The following DLEC1 variants were observed in gnomAD, a reference collection of about 807,000 sequenced individuals.
The protein encoded by DLEC1 is deleted in lung and esophageal cancer protein 1.
DLEC1 carries 146 observed loss-of-function variants against 198.1 expected under a neutral mutation model. That is an observed-to-expected ratio of 0.74 (90% CI 0.64 to 0.85). The LOEUF (loss-of-function observed/expected upper bound fraction) is 0.85, where lower values mean the gene tolerates loss of function less well. Ranked by LOEUF, DLEC1 falls within the 40% of genes least tolerant of loss-of-function variation. DLEC1 has a pLI of 0.00. For missense variants in DLEC1, 2,233 were observed against 2,220.0 expected, an observed-to-expected ratio of 1.01 and a Z score of -0.12; for synonymous variants, 897 against 866.8, an observed-to-expected ratio of 1.03 and a Z score of -0.61.
rs368399069 is a variant in DLEC1, at chr3:38,121,677, C to G, written c.4916C>G (p.Thr1639Ser). ...GCCGTGCCTGAGCTGCAGCTCTCCA[C>G]CAGCTGGGTGGACTTTGGGACCTGC... is the stretch of plus-strand genomic sequence containing the variant. The part of the protein sequence containing the change: ...VVAVPELQLS[T>S]SWVDFGTCFV... Residue 1639 changes from threonine to serine, a missense_variant, in exon 35 of 37, where the codon ACC becomes AGC. Physicochemically the swap from Thr to Ser is moderately conservative, Grantham distance 58. Coordinates refer to ENST00000308059, the MANE Select transcript of DLEC1 (RefSeq NM_007335.4). 10 of 1,613,976 alleles carry G rather than the reference C, an allele frequency of 6.2e-6. No homozygotes were observed. Among genetic ancestry groups the G allele is most frequent in the Admixed American group, 1.7e-5 (1 of 59,998 alleles).
intron 10 of DLEC1, among the ~76,000 whole-genome samples, chr3:38,092,454 C>T (rs1445160288): frequency 6.6e-6 from 1 of 152,132 alleles, no homozygotes; most frequent in Non-Finnish European, 1.5e-5. Context: ...CTGCTCTTTG[C>T]CAGTATGAGT....
intron 34 of DLEC1, among the ~76,000 whole-genome samples, chr3:38,121,020 T>C (rs1700425935): frequency 6.7e-6 from 1 of 149,924 alleles, no homozygotes; most frequent in South Asian, 2.1e-4. Flanking sequence ...GCGAGCACCA[T>C]GGACCAGGTC....
chr3:38,123,039 G>A lies in DLEC1; in HGVS notation c.*627G>A, dbSNP rs1417468082. 1.2e-6 allele frequency: 2 copies of A among 1,613,996 alleles called. No homozygotes were observed. The highest frequency in any genetic ancestry group is 2.2e-5 in the South Asian group (2 of 91,078). On this transcript the variant is annotated 3_prime_UTR_variant, in exon 37 of 37. Coordinates refer to ENST00000308059, the MANE Select transcript of DLEC1 (RefSeq NM_007335.4). Reference sequence around the variant, plus strand: ...TGTCTGCGTAGCGCCTCCAGCCTGGGACCTCACTCAGTTCCCAGGGTATTC... The same window carrying A: ...TGTCTGCGTAGCGCCTCCAGCCTGGAACCTCACTCAGTTCCCAGGGTATTC...
chr3:38,079,760 T>G (rs981128076), intron 6 of DLEC1, among the ~76,000 whole-genome samples: 1 of 151,712 alleles, frequency 6.6e-6, no homozygotes, highest in Non-Finnish European at 1.5e-5. Flanking sequence ...GGGGAGGAGG[T>G]TCTGGAGGAA....
At chr3:38,120,215 C>T (rs1437162796) in intron 33 of DLEC1, among the ~76,000 whole-genome samples, 1 of 152,246 alleles carries the variant, frequency 6.6e-6, no homozygotes, top group African/African-American at 2.4e-5. Context: ...TGTCCCTTCC[C>T]TTCTAGCCTC....
Position 38,062,892 on chromosome 3 carries a change from C to T in DLEC1, c.1094+91C>T, listed in dbSNP as rs150680736. On this transcript the variant is annotated intron_variant, in intron 5 of 36. Transcript: ENST00000308059. ...CCGTTTGGTCTGGCTGTAGAGGTCCCTAGACTTGTGGGGCAGGGTAGCAGT... is the reference window on the plus strand; with the variant it reads ...CCGTTTGGTCTGGCTGTAGAGGTCCTTAGACTTGTGGGGCAGGGTAGCAGT... 718 of 1,374,754 alleles carry T rather than the reference C, an allele frequency of 5.2e-4. 10 individuals are homozygous for T. The East Asian group carries it at 0.015, about 29-fold the overall frequency. The allele number at this position is 1,374,754 out of a possible 1,614,324, so 85.2% of individuals were successfully genotyped here. A position where few individuals can be genotyped will look rare whatever the true frequency, so the allele number is the denominator to read the frequency against.
At chr3:38,100,809 C>T (rs1447093405) in intron 19 of DLEC1, among the ~76,000 whole-genome samples, 1 of 152,112 alleles carries the variant, frequency 6.6e-6, no homozygotes, top group Admixed American at 6.5e-5. Flanking sequence ...ACTGTTCCTA[C>T]AGGAAAAACT....
rs1696576267 is a variant in DLEC1, at chr3:38,059,750, G to C, written c.571G>C (p.Val191Leu). The change falls in exon 3 of 37, where the codon GTC becomes CTC. Residue 191 changes from valine to leucine, a missense_variant. Physicochemically the swap from Val to Leu is conservative, Grantham distance 32 (BLOSUM62 1). Transcript: ENST00000308059. ...SLVRLPPVKS[V>L]SRWCIDSELL... is the part of the protein sequence containing the mutation. ...CCTTCCCTTCTATGAAGTGAAGAGT[G>C]TCTCCAGATGGTGTATAGACAGCGA... 1 of 1,613,782 alleles carries C rather than the reference G, an allele frequency of 6.2e-7. No individual in the cohort carries two copies. Among genetic ancestry groups the C allele is most frequent in the Admixed American group, 1.7e-5 (1 of 59,932 alleles).
chr3:38,118,622 C>T (rs990304399), intron 33 of DLEC1, among the ~76,000 whole-genome samples: 2 of 152,248 alleles, frequency 1.3e-5, no homozygotes, highest in South Asian at 2.1e-4. Flanking sequence ...GCTGAGTGTG[C>T]GCACACCCAT....
At chr3:38,096,204 G>C (rs1011940684) in intron 14 of DLEC1, among the ~76,000 whole-genome samples, 4 of 152,336 alleles carry the variant, frequency 2.6e-5, no homozygotes, top group South Asian at 4.1e-4. Flanking sequence ...TGCTCTTGGG[G>C]AGCCAAACTG....
At position 38,092,785 on chromosome 3, in the gene DLEC1, C is replaced by G; in HGVS notation, c.1666-5C>G. On this transcript the variant is annotated splice_region_variant and splice_polypyrimidine_tract_variant and intron_variant, in intron 10 of 36. Transcript: ENST00000308059. ...AGGTAACGGAACAACCCTTCTCTCCCCCAGGTCTTGTTTTCCCCAAAGAGC... is the reference window on the plus strand; with the variant it reads ...AGGTAACGGAACAACCCTTCTCTCCGCCAGGTCTTGTTTTCCCCAAAGAGC... The G allele has an allele frequency of 6.2e-7, 1 of 1,613,976 alleles. No individual in the cohort carries two copies. Among genetic ancestry groups the G allele is most frequent in the Non-Finnish European group, 8.5e-7 (1 of 1,179,922 alleles).
At chr3:38,084,350 A>AGTGGTGGTGGTAGTAGTGGTGGTG in intron 7 of DLEC1, 105 bp downstream of exon 7, 2 of 993,062 alleles carry the variant, frequency 2.0e-6, no homozygotes, top group Non-Finnish European at 3.0e-6. Flanking sequence ...TGATAGTAGT[A>AGTGGTGGTGGTAGTAGTGGTGGTG]GTGGTGGTGG....
At chr3:38,063,818 C>G (rs770059469) in intron 5 of DLEC1, 23 bp from the exon 6 acceptor site, 1 of 1,592,932 alleles carries the variant, frequency 6.3e-7, no homozygotes, top group Non-Finnish European at 8.6e-7. Context: ...CAGCCTTTCT[C>G]CCCCTCTTTT....
intron 6 of DLEC1, among the ~76,000 whole-genome samples, chr3:38,064,588 G>A (rs13066877): frequency 0.32 from 47,378 of 149,806 alleles, 7,709 homozygotes; most frequent in East Asian, 0.55. Flanking sequence ...CGGGGCGGCC[G>A]GGCAGAGGCT....
rs765004082 is a variant in DLEC1 at position 38,039,253 on chromosome 3, A to T, written c.28A>T (p.Arg10Trp). The T allele has an allele frequency of 6.2e-7, 1 of 1,609,738 alleles. No individual in the cohort carries two copies. Among genetic ancestry groups the T allele is most frequent in the Non-Finnish European group, 8.5e-7 (1 of 1,177,210 alleles). Residue 10 changes from arginine to tryptophan, a missense_variant, in exon 1 of 37, where the codon AGG (arginine) becomes TGG (tryptophan). Physicochemically the swap from Arg to Trp is moderately radical, Grantham distance 101 (BLOSUM62 -3). Transcript: ENST00000308059. ...GGAGACCAGGAGCTCCAAAACGCGG[A>T]GGTCTTTAGCGTCCCGGACCAACGA... is the stretch of plus-strand genomic sequence containing the variant. METRSSKTR[R>W]SLASRTNECQ...
chr3:38,080,736 A>G (rs528121747), intron 6 of DLEC1, among the ~76,000 whole-genome samples: 4 of 151,798 alleles, frequency 2.6e-5, no homozygotes, highest in South Asian at 4.2e-4. Context: ...AAGGTTGCCC[A>G]TAGTGAAGGA....
chr3:38,046,318 G>A (rs375269985), intron 2 of DLEC1, among the ~76,000 whole-genome samples: 1 of 152,106 alleles, frequency 6.6e-6, no homozygotes, highest in African/African-American at 2.4e-5. Flanking sequence ...TGTAGCTCCC[G>A]TAATCCCCAC....
chr3:38,116,723 C>G (rs532158394), intron 28 of DLEC1, 50 bp from the exon 29 acceptor site: 1 of 1,608,158 alleles, frequency 6.2e-7, no homozygotes, highest in Admixed American at 1.7e-5. Context: ...GGCCAGTAGG[C>G]TAGTTGAACC....
At chr3:38,088,082 C>T (rs893480288) in intron 9 of DLEC1, among the ~76,000 whole-genome samples, 3 of 152,228 alleles carry the variant, frequency 2.0e-5, no homozygotes, top group Non-Finnish European at 4.4e-5. Context: ...AAGACTTACT[C>T]TCCTTAACCT....
Sources: allele counts gnomAD v4.1 joint callset (sites outside exome capture counted in the v4.1 genomes callset), GRCh38; gene constraint gnomAD v4.1.1; transcripts MANE v1.5; gene names NCBI Gene and HGNC (gene_info 2026-07-23, HGNC 2026-07-21).